The following DCLK1 variants were observed in gnomAD, a reference collection of about 807,000 sequenced individuals.
DCLK1 encodes the protein serine/threonine-protein kinase DCLK1.
In DCLK1, 16 loss-of-function variants were observed where a neutral mutation model predicts 86.2. That is an observed-to-expected ratio of 0.19 (90% CI 0.13 to 0.28). DCLK1 has a LOEUF of 0.28. Ranked by LOEUF, DCLK1 falls within the 10% of genes least tolerant of loss-of-function variation. The pLI is 1.00. For missense variants in DCLK1, 590 were observed against 940.2 expected (o/e 0.63, Z 4.87); for synonymous variants, 369 against 370.5 (o/e 1.00, Z 0.05).
intron 4 of DCLK1, among the ~76,000 whole-genome samples, chr13:35,936,346 G>A (rs1222922707): frequency 1.3e-5 from 2 of 152,220 alleles, no homozygotes; most frequent in African/African-American, 2.4e-5. Flanking sequence ...AGACTCCAAG[G>A]AGATGTGTAT....
intron 10 of DCLK1, 99 bp from the exon 11 acceptor site, chr13:35,822,974 A>G (rs2087432569): frequency 2.1e-6 from 3 of 1,412,958 alleles, no homozygotes; most frequent in South Asian, 2.6e-5. Flanking sequence ...GGAAGAATGG[A>G]TGTGGAATCT....
At chr13:35,873,260 C>T (rs948045034) in intron 4 of DCLK1, among the ~76,000 whole-genome samples, 2 of 151,606 alleles carry the variant, frequency 1.3e-5, no homozygotes, top group African/African-American at 4.9e-5. Flanking sequence ...ATCCCAAAAA[C>T]ATAAATAAAT....
intron 14 of DCLK1, among the ~76,000 whole-genome samples, chr13:35,806,731 G>A (rs2087035261): frequency 6.6e-6 from 1 of 152,210 alleles, no homozygotes; most frequent in Admixed American, 6.5e-5. Flanking sequence ...AGGTGTAGGA[G>A]ATGGTCCTAT....
intron 3 of DCLK1, among the ~76,000 whole-genome samples, chr13:36,073,505 CA>C (rs546397014): frequency 2.0e-5 from 3 of 150,370 alleles, no homozygotes; most frequent in Non-Finnish European, 3.0e-5. Context: ...AAACAAAAAA[CA>C]AAAAAAAACT....
intron 3 of DCLK1, among the ~76,000 whole-genome samples, chr13:35,965,773 T>C (rs9601789): frequency 0.3 from 45,278 of 152,032 alleles, 7,721 homozygotes; most frequent in East Asian, 0.56. Flanking sequence ...ACTTGTATTC[T>C]CTCACTCTCT....
intron 16 of DCLK1, among the ~76,000 whole-genome samples, chr13:35,791,595 A>T (rs2086709417): frequency 6.6e-6 from 1 of 152,154 alleles, no homozygotes; most frequent in Admixed American, 6.5e-5. Context: ...TTAAAATAGG[A>T]TTTCCCCTCA....
At chr13:36,028,429 C>T (rs1882129686) in intron 3 of DCLK1, among the ~76,000 whole-genome samples, 1 of 152,164 alleles carries the variant, frequency 6.6e-6, no homozygotes, top group Non-Finnish European at 1.5e-5. Context: ...AGGAGCCCTT[C>T]AGGGCTGGTG....
intron 6 of DCLK1, chr13:35,846,394 C>T: frequency 1.0e-6 from 1 of 985,306 alleles, no homozygotes; most frequent in Non-Finnish European, 1.2e-6. Context: ...TAGATATCTA[C>T]TACCCTGGCT....
Position 35,827,753 on chromosome 13 carries a change from T to C in DCLK1, c.1289A>G (p.Glu430Gly). The stretch of plus-strand genomic sequence containing the variant: ...AGACACTTCATTCTGGATCATGTGC[T>C]CCTGTCCAAAGGAAAAGTTATCTTC... ...IIKKSKCRGKEHMIQNEVSIL... is the reference protein window; with the variant it reads ...IIKKSKCRGKGHMIQNEVSIL... The change falls in exon 10 of 17, where the codon GAG (glutamate) becomes GGG (glycine). Residue 430 changes from glutamate (E) to glycine (G), a missense_variant and splice_region_variant. By Grantham distance (98) the Glu-to-Gly change is moderately conservative. Transcript: ENST00000360631. The C allele has an allele frequency of 6.2e-7, 1 of 1,613,528 alleles. No homozygotes were observed. Among genetic ancestry groups the C allele is most frequent in the Non-Finnish European group, 8.5e-7 (1 of 1,179,956 alleles).
intron 2 of DCLK1, among the ~76,000 whole-genome samples, chr13:36,117,435 AT>A (rs1412909063): frequency 1.7e-4 from 26 of 152,308 alleles, no homozygotes; most frequent in African/African-American, 6.3e-4. Flanking sequence ...ATAAAGTGGT[AT>A]TGAGGTTGCA....
intron 3 of DCLK1, among the ~76,000 whole-genome samples, chr13:36,009,064 TG>T (rs1455856980): frequency 1.1e-5 from 1 of 93,618 alleles, no homozygotes; most frequent in African/African-American, 4.7e-5. Context: ...CACTTTTTGA[TG>T]GGGTTGTTTG....
chr13:36,016,539 T>A (rs1441744672), intron 3 of DCLK1, among the ~76,000 whole-genome samples: 1 of 152,058 alleles, frequency 6.6e-6, no homozygotes, highest in Non-Finnish European at 1.5e-5. Flanking sequence ...CAGCCAATAA[T>A]TACCAAACAG....
intron 4 of DCLK1, 138 bp from the exon 5 acceptor site, chr13:35,871,478 C>G: frequency 1.4e-6 from 1 of 735,576 alleles, no homozygotes; most frequent in Non-Finnish European, 2.3e-6. Context: ...GGGTTCTTGT[C>G]TATGTCAATG....
intron 8 of DCLK1, among the ~76,000 whole-genome samples, 181 bp from the exon 9 acceptor site, chr13:35,828,488 CAAGTGT>C (rs1320515512): frequency 6.6e-6 from 1 of 151,912 alleles, no homozygotes; most frequent in East Asian, 1.9e-4. Context: ...ATGGACTGAC[CAAGTGT>C]AAGGACAGTA....
chr13:35,788,193 G>A, intron 16 of DCLK1: 2 of 1,612,816 alleles, frequency 1.2e-6, no homozygotes, highest in Non-Finnish European at 1.7e-6. Flanking sequence ...ACTGACTGTT[G>A]AGCTGCACCA....
At chr13:36,093,186 G>A (rs58468595) in intron 3 of DCLK1, among the ~76,000 whole-genome samples, 6,840 of 152,212 alleles carry the variant, frequency 0.045, 561 homozygotes, top group East Asian at 0.32. Context: ...TTGGAGGAAG[G>A]ACTGCTCACA....
chr13:35,825,122 CA>C, intron 10 of DCLK1, among the ~76,000 whole-genome samples: 1 of 152,192 alleles, frequency 6.6e-6, no homozygotes, highest in Non-Finnish European at 1.5e-5. Flanking sequence ...ACTGCCGATC[CA>C]CTGCCGTCCG....
At chr13:36,047,255 A>T (rs921979838) in intron 3 of DCLK1, among the ~76,000 whole-genome samples, 9 of 152,234 alleles carry the variant, frequency 5.9e-5, no homozygotes, top group African/African-American at 2.2e-4. Context: ...TACAGCCATT[A>T]ATAGAAAACA....
In DCLK1 at chr13:35,914,673, A is replaced by T. The variant is rs528335747; in HGVS notation, c.823+32685T>A. Reference sequence around the variant, plus strand: ...CAGGGCTGCAGTGAGCTGTGATCACACCACTGCACTCCAGCCTGGGTGGCA... The same window carrying T: ...CAGGGCTGCAGTGAGCTGTGATCACTCCACTGCACTCCAGCCTGGGTGGCA... On this transcript the variant is annotated intron_variant, in intron 4 of 16. Transcript: ENST00000360631. Among the ~76,000 whole-genome samples the T allele has an allele frequency of 1.3e-4, 20 of 149,836 alleles. No homozygotes were observed. In the South Asian group the frequency reaches 4.1e-3, roughly 30 times the overall value.
Sources: gnomAD v4.1 joint callset for allele counts (sites outside exome capture counted in the v4.1 genomes callset) on GRCh38, gnomAD v4.1.1 for gene constraint, MANE v1.5 for transcripts, NCBI Gene and HGNC (gene_info 2026-07-23, HGNC 2026-07-21) for gene names.